The following SNX6 variants were observed in gnomAD, a reference collection of about 807,000 sequenced individuals.
The protein encoded by SNX6 is sorting nexin-6.
In SNX6, 34 loss-of-function variants were observed where a neutral mutation model predicts 63.0. The ratio of observed to expected loss-of-function variants is 0.54; its 90% CI spans 0.41 to 0.72. The LOEUF (loss-of-function observed/expected upper bound fraction) is 0.72, where lower values mean the gene tolerates loss of function less well. Among genes scored for constraint, SNX6 ranks in the 30% least tolerant of loss-of-function variants. The pLI is 0.00. For synonymous variants in SNX6, 170 were observed against 164.2 expected, an observed-to-expected ratio of 1.04 and a Z score of -0.27; for missense variants, 398 against 471.4, an observed-to-expected ratio of 0.84 and a Z score of 1.44.
chr14:34,586,387 TG>T (rs1882158915), intron 8 of SNX6, 82 bp from the exon 9 acceptor site: 105 of 852,368 alleles, frequency 1.2e-4, no homozygotes, highest in South Asian at 2.2e-4. Flanking sequence ...TCAAACAATG[TG>T]TAATATGAGA....
intron 11 of SNX6, among the ~76,000 whole-genome samples, chr14:34,568,416 A>G (rs565718619): frequency 5.6e-4 from 85 of 151,980 alleles, no homozygotes; most frequent in South Asian, 2.1e-4. Context: ...GTTTTAGTAG[A>G]GATGGGGTTT....
Position 34,592,978 on chromosome 14 carries a change from A to C in SNX6, c.718+67T>G, listed in dbSNP as rs1566477703. The C allele has an allele frequency of 3.4e-6, 4 of 1,170,344 alleles. No homozygotes were observed. The East Asian group carries it at 1.0e-4, about 30-fold the overall frequency. 72.5% of individuals were successfully genotyped at this position (1,170,344 alleles called of 1,614,324 possible). ...ACTGCTCTATATTAAGACTTTTTCA[A>C]ACTATAATATGAACTTTATAATTAT... On this transcript the variant is annotated intron_variant, in intron 8 of 13. Transcript: ENST00000362031.
At chr14:34,609,785 T>C in intron 2 of SNX6, 43 bp from the exon 3 acceptor site, 1 of 1,331,420 alleles carries the variant, frequency 7.5e-7, no homozygotes, top group Admixed American at 2.0e-5. Flanking sequence ...TCATGTTTTA[T>C]ATAATTTCAT....
intron 2 of SNX6, among the ~76,000 whole-genome samples, chr14:34,615,616 CT>C (rs201318699): frequency 6.6e-5 from 10 of 151,688 alleles, no homozygotes; most frequent in Admixed American, 3.9e-4. Context: ...TTCTCCTTTT[CT>C]TTTTTTTTCC....
intron 2 of SNX6, among the ~76,000 whole-genome samples, chr14:34,616,471 G>C (rs1883423453): frequency 6.6e-6 from 1 of 152,056 alleles, no homozygotes; most frequent in Non-Finnish European, 1.5e-5. Context: ...CTGGGATCAA[G>C]CGATCATTCC....
chr14:34,575,083 G>T (rs1358282359), intron 11 of SNX6, among the ~76,000 whole-genome samples: 1 of 151,280 alleles, frequency 6.6e-6, no homozygotes, highest in Non-Finnish European at 1.5e-5. Flanking sequence ...GTAGAGATGG[G>T]GTTTCACCAT....
chr14:34,596,623 A>AG (rs1217041297), intron 7 of SNX6, among the ~76,000 whole-genome samples: 1 of 148,536 alleles, frequency 6.7e-6, no homozygotes, highest in East Asian at 2.0e-4. Context: ...TATCTCAGGA[A>AG]AAAAAAAAAA....
At chr14:34,581,468 T>C in intron 10 of SNX6, 93 bp downstream of exon 10, 2 of 745,374 alleles carry the variant, frequency 2.7e-6, no homozygotes, top group South Asian at 2.2e-5. Flanking sequence ...ATCACTCTTT[T>C]AAAAAAATTT....
At chr14:34,610,110 G>T (rs1284470052) in intron 2 of SNX6, among the ~76,000 whole-genome samples, 1 of 151,482 alleles carries the variant, frequency 6.6e-6, no homozygotes, top group Admixed American at 6.6e-5. Context: ...TTAGGAGGCT[G>T]AAGCGGGAGG....
At chr14:34,625,795 C>CAAA (rs992905507) in intron 2 of SNX6, among the ~76,000 whole-genome samples, 2 of 152,128 alleles carry the variant, frequency 1.3e-5, no homozygotes, top group African/African-American at 4.8e-5. Context: ...CTGAAGAGAT[C>CAAA]AAAGTGTGAC....
At chr14:34,567,575 G>A in intron 13 of SNX6, 111 bp downstream of exon 13, 2 of 795,680 alleles carry the variant, frequency 2.5e-6, no homozygotes, top group East Asian at 2.7e-5. Flanking sequence ...TTCAGGAATA[G>A]TTGTCACAGT....
chr14:34,608,727 AAT>A, intron 3 of SNX6, among the ~76,000 whole-genome samples: 1 of 152,268 alleles, frequency 6.6e-6, no homozygotes, highest in South Asian at 2.1e-4. Flanking sequence ...ACTGAAATCT[AAT>A]AAAAATAATA....
chr14:34,585,992 C>G (rs1384275240), intron 9 of SNX6, among the ~76,000 whole-genome samples: 2 of 152,038 alleles, frequency 1.3e-5, no homozygotes, highest in Non-Finnish European at 2.9e-5. Flanking sequence ...GCAACCTCTG[C>G]CTCCCAGGTT....
At chr14:34,594,484 G>C (rs1046856720) in intron 7 of SNX6, among the ~76,000 whole-genome samples, 1 of 152,018 alleles carries the variant, frequency 6.6e-6, no homozygotes, top group Non-Finnish European at 1.5e-5. Context: ...ATCCCAAGTA[G>C]CTGGGACTAC....
At chr14:34,588,433 C>T (rs2138310796) in intron 8 of SNX6, among the ~76,000 whole-genome samples, 1 of 152,050 alleles carries the variant, frequency 6.6e-6, no homozygotes, top group Non-Finnish European at 1.5e-5. Context: ...CTATTTTTTG[C>T]AAAGATTGGG....
intron 2 of SNX6, among the ~76,000 whole-genome samples, chr14:34,617,604 T>A (rs1235686870): frequency 1.1e-5 from 1 of 94,560 alleles, no homozygotes; most frequent in African/African-American, 4.3e-5. Context: ...TGAGACCCTG[T>A]CTCAAAAAAA....
At chr14:34,599,218 TTA>T (rs1239424206) in intron 6 of SNX6, among the ~76,000 whole-genome samples, 2 of 152,196 alleles carry the variant, frequency 1.3e-5, no homozygotes, top group African/African-American at 2.4e-5. Flanking sequence ...TTCCTTAACT[TTA>T]TATGTTATAT....
intron 11 of SNX6, chr14:34,568,753 C>T (rs879025523): frequency 2.0e-5 from 18 of 883,326 alleles, no homozygotes; most frequent in South Asian, 6.7e-5. Flanking sequence ...CTGTCCCTGA[C>T]GTGTCAGTTT....
intron 2 of SNX6, among the ~76,000 whole-genome samples, chr14:34,616,692 C>A (rs1010872839): frequency 2.0e-5 from 3 of 152,124 alleles, no homozygotes; most frequent in African/African-American, 7.2e-5. Context: ...ATTGTCCAGG[C>A]AGATTTTCTT....
Sources: gnomAD v4.1 joint callset for allele counts (sites outside exome capture counted in the v4.1 genomes callset) on GRCh38, gnomAD v4.1.1 for gene constraint, MANE v1.5 for transcripts, NCBI Gene and HGNC (gene_info 2026-07-23, HGNC 2026-07-21) for gene names.